RFX7: variants seen among roughly 807,000 people sequenced by gnomAD.
RFX7 encodes the protein DNA-binding protein RFX7.
A neutral mutation model predicts 111.8 loss-of-function variants in RFX7; 26 were observed. That is an observed-to-expected ratio of 0.23 (90% CI 0.17 to 0.32). RFX7 has a LOEUF of 0.32. Ranked by LOEUF, RFX7 falls within the 10% of genes least tolerant of loss-of-function variation. The pLI is 1.00. For missense variants in RFX7, 1,573 were observed against 1,772.9 expected, an observed-to-expected ratio of 0.89 and a Z score of 2.02; for synonymous variants, 624 against 624.4, an observed-to-expected ratio of 1.00 and a Z score of 0.01.
rs2041669931 is a variant in RFX7, at chr15:56,095,911, C to T, written c.1817G>A (p.Cys606Tyr). The T allele has an allele frequency of 6.2e-7, 1 of 1,605,406 alleles. No individual in the cohort carries two copies. Among genetic ancestry groups the T allele is most frequent in the African/African-American group, 1.3e-5 (1 of 74,926 alleles). The change falls in exon 10 of 10, where the codon TGT becomes TAT. Residue 606 changes from cysteine (C) to tyrosine (Y), a missense_variant. Cys to Tyr is a radical substitution (Grantham distance 194). Around this residue, in one of 7 missense-constraint regions of RFX7, gnomAD observed 625 missense variants for 632.2 expected, o/e 0.99. Coordinates refer to ENST00000559447, the MANE Select transcript of RFX7 (RefSeq NM_022841.7). ...CDQRTKCKSR[C>Y]NEMLPGTSTG... is the part of the protein sequence containing the mutation. Reference sequence around the variant, plus strand: ...TGACGTGCCTGGCAGCATTTCATTACAGCGACTTTTACATTTGGTCCTCTG... The same window carrying T: ...TGACGTGCCTGGCAGCATTTCATTATAGCGACTTTTACATTTGGTCCTCTG...
rs1177841910 is a variant in RFX7, at chr15:56,088,931, A to G, written c.*4414T>C. The stretch of plus-strand genomic sequence containing the variant: ...ACAAAGAACATGTACTTAACTCTTT[A>G]TGATTGTAAGCCCCTCAAAGGTGGG... On this transcript the variant is annotated 3_prime_UTR_variant, in exon 10 of 10. Coordinates refer to ENST00000559447, the MANE Select transcript of RFX7 (RefSeq NM_022841.7). 6.6e-6 allele frequency: 1 copy of G among 152,168 alleles called. No homozygotes were observed. Among genetic ancestry groups the G allele is most frequent in the Non-Finnish European group, 1.5e-5 (1 of 68,026 alleles). The allele number at this position is 152,168 out of a possible 1,614,324, so 9.4% of individuals were successfully genotyped here.
At chr15:56,106,484 T>C (rs910883081) in intron 5 of RFX7, among the ~76,000 whole-genome samples, 1 of 152,186 alleles carries the variant, frequency 6.6e-6, no homozygotes, top group African/African-American at 2.4e-5. Context: ...ATACCTAGAA[T>C]AGGTTCTCAA....
intron 5 of RFX7, among the ~76,000 whole-genome samples, chr15:56,123,745 C>T (rs543009234): frequency 3.0e-4 from 45 of 152,328 alleles, no homozygotes; most frequent in African/African-American, 1.0e-3. Flanking sequence ...CAGTTTCCAA[C>T]CACTGGGATG....
At chr15:56,134,759 T>G (rs1352412058) in intron 5 of RFX7, among the ~76,000 whole-genome samples, 1 of 152,038 alleles carries the variant, frequency 6.6e-6, no homozygotes, top group Non-Finnish European at 1.5e-5. Context: ...CCCAATGCTA[T>G]CCCTACCGCC....
chr15:56,103,140 T>A (rs2041781245), intron 6 of RFX7, among the ~76,000 whole-genome samples: 1 of 148,438 alleles, frequency 6.7e-6, no homozygotes, highest in Non-Finnish European at 1.5e-5. Flanking sequence ...TTTTTTTTTT[T>A]TTTTTTTTTT....
chr15:56,093,365 T>C lies in RFX7; in HGVS notation c.4363A>G (p.Thr1455Ala). 2 of 1,611,016 alleles carry C rather than the reference T, an allele frequency of 1.2e-6. No homozygotes were observed. Among genetic ancestry groups the C allele is most frequent in the Non-Finnish European group, 8.5e-7 (1 of 1,178,360 alleles). ...ACAATTTAACCCAACATTTCAACAG[T>C]AGGATGGTCCTTGCTTTCTATCCAT... ...FEWIESKDHP[T>A]VEMLG Residue 1455 changes from threonine (T) to alanine (A), a missense_variant, in exon 10 of 10, where the codon ACT (threonine) becomes GCT (alanine). Physicochemically the swap from Thr to Ala is moderately conservative, Grantham distance 58. This residue lies in a region of RFX7 where 411 missense variants were observed against 478.1 expected (regional missense o/e 0.86). Transcript: ENST00000559447.
intron 2 of RFX7, among the ~76,000 whole-genome samples, chr15:56,236,954 A>T (rs1205581668): frequency 6.6e-6 from 1 of 152,208 alleles, no homozygotes; most frequent in African/African-American, 2.4e-5. Flanking sequence ...ATCTCACATA[A>T]CAGAACCCTT....
intron 5 of RFX7, among the ~76,000 whole-genome samples, chr15:56,118,102 C>G (rs574740642): frequency 6.6e-6 from 1 of 151,954 alleles, no homozygotes; most frequent in South Asian, 2.1e-4. Context: ...ATATGGGATA[C>G]TCTGATATAG....
chr15:56,233,737 T>C (rs1417759870), intron 2 of RFX7, among the ~76,000 whole-genome samples: 3 of 152,168 alleles, frequency 2.0e-5, no homozygotes, highest in Non-Finnish European at 2.9e-5. Flanking sequence ...AAATCGTGGT[T>C]GTGAAAGGCC....
intron 2 of RFX7, among the ~76,000 whole-genome samples, chr15:56,207,313 T>C (rs2043264499): frequency 2.6e-5 from 4 of 151,988 alleles, no homozygotes; most frequent in Non-Finnish European, 5.9e-5. Flanking sequence ...GGTACAGAGT[T>C]TCAATTCTGC....
intron 3 of RFX7, among the ~76,000 whole-genome samples, chr15:56,155,863 C>G (rs2042645660): frequency 6.6e-6 from 1 of 152,038 alleles, no homozygotes; most frequent in South Asian, 2.1e-4. Context: ...TTTTGAATTT[C>G]AAATGATATT....
chr15:56,212,052 T>TG lies in RFX7; in HGVS notation c.161+31072dup, dbSNP rs202224582. On this transcript the variant is annotated intron_variant, in intron 2 of 9. Coordinates refer to ENST00000559447, the MANE Select transcript of RFX7 (RefSeq NM_022841.7). Reference sequence around the variant, plus strand: ...GAAAAAAATACATTCATACGAAAACTGGTACACGTTTTTAGTAGATTTATT... The same window carrying TG: ...GAAAAAAATACATTCATACGAAAACTGGGTACACGTTTTTAGTAGATTTATT... Among the ~76,000 whole-genome samples, 995 of 152,258 alleles carry TG rather than the reference T, an allele frequency of 6.5e-3. 3 individuals are homozygous for TG. The highest frequency in any genetic ancestry group is 0.01 in the Non-Finnish European group (701 of 68,006).
At chr15:56,205,183 A>G (rs1447970386) in intron 2 of RFX7, among the ~76,000 whole-genome samples, 4 of 152,220 alleles carry the variant, frequency 2.6e-5, no homozygotes, top group African/African-American at 9.6e-5. Context: ...GAGAGAACAT[A>G]AAATGAAGTT....
At chr15:56,168,710 G>A (rs1200003370) in intron 3 of RFX7, among the ~76,000 whole-genome samples, 1 of 152,102 alleles carries the variant, frequency 6.6e-6, no homozygotes, top group Non-Finnish European at 1.5e-5. Context: ...TACTCTGGAG[G>A]TTGAAGTTCC....
intron 8 of RFX7, among the ~76,000 whole-genome samples, chr15:56,099,518 C>G (rs2140522410): frequency 6.6e-6 from 1 of 152,170 alleles, no homozygotes; most frequent in African/African-American, 2.4e-5. Flanking sequence ...TGGCTCATAG[C>G]TTGGCTGTCT....
At chr15:56,186,297 C>T (rs1024857796) in intron 2 of RFX7, among the ~76,000 whole-genome samples, 1 of 152,142 alleles carries the variant, frequency 6.6e-6, no homozygotes, top group Admixed American at 6.5e-5. Context: ...GTGGCCTAGA[C>T]ATTCCTATGA....
chr15:56,203,538 C>A (rs2043216582), intron 2 of RFX7, among the ~76,000 whole-genome samples: 1 of 152,158 alleles, frequency 6.6e-6, no homozygotes, highest in South Asian at 2.1e-4. Flanking sequence ...ACCTACTGGG[C>A]TGCATTCCCA....
At chr15:56,216,601 A>C (rs1260703731) in intron 2 of RFX7, among the ~76,000 whole-genome samples, 1 of 152,154 alleles carries the variant, frequency 6.6e-6, no homozygotes, top group East Asian at 1.9e-4. Flanking sequence ...TTAATTTTCT[A>C]TTTAATCAAT....
At chr15:56,164,961 C>A (rs1166413114) in intron 3 of RFX7, among the ~76,000 whole-genome samples, 2 of 152,118 alleles carry the variant, frequency 1.3e-5, no homozygotes, top group African/African-American at 4.8e-5. Context: ...TACCAGGGAC[C>A]AGTTTCACAG....
Sources: allele counts gnomAD v4.1 joint callset (sites outside exome capture counted in the v4.1 genomes callset), GRCh38; gene constraint gnomAD v4.1.1; regional missense constraint gnomAD v4.1.1; transcripts MANE v1.5; gene names NCBI Gene and HGNC (gene_info 2026-07-23, HGNC 2026-07-21).